Variants in ULK4 observed in about 807,000 individuals in gnomAD.
The protein encoded by ULK4 is unc-51 like kinase 4.
ULK4 carries 133 observed loss-of-function variants against 160.6 expected under a neutral mutation model. The ratio of observed to expected loss-of-function variants is 0.83; its 90% confidence interval spans 0.72 to 0.96. The LOEUF (loss-of-function observed/expected upper bound fraction) is 0.96, where lower values mean the gene tolerates loss of function less well. ULK4 is among the 40% of genes least tolerant of loss of function. The pLI is 0.00. For missense variants in ULK4, 1,580 were observed against 1,499.5 expected, an observed-to-expected ratio of 1.05 and a Z score of -0.89; for synonymous variants, 534 against 539.8, an observed-to-expected ratio of 0.99 and a Z score of 0.15.
chr3:41,523,411 T>A (rs2086002756), intron 32 of ULK4, among the ~76,000 whole-genome samples: 1 of 152,200 alleles, frequency 6.6e-6, no homozygotes, highest in Non-Finnish European at 1.5e-5. Flanking sequence ...TCTTCTAGAA[T>A]CTAGAGATGA....
chr3:41,653,702 C>A (rs1035016136), intron 30 of ULK4, among the ~76,000 whole-genome samples: 1 of 152,222 alleles, frequency 6.6e-6, no homozygotes, highest in Non-Finnish European at 1.5e-5. Context: ...CTCTGTCTCA[C>A]ATTCATCTCT....
At chr3:41,623,037 C>T (rs893007828) in intron 30 of ULK4, among the ~76,000 whole-genome samples, 2 of 152,200 alleles carry the variant, frequency 1.3e-5, no homozygotes, top group Non-Finnish European at 2.9e-5. Flanking sequence ...TTGCAGGTTA[C>T]CGCTTCAGTC....
chr3:41,870,901 G>C (rs574843429), intron 17 of ULK4, among the ~76,000 whole-genome samples: 4 of 152,106 alleles, frequency 2.6e-5, no homozygotes, highest in Non-Finnish European at 5.9e-5. Context: ...GTCAAGGGTG[G>C]GACCAGGTGG....
intron 30 of ULK4, among the ~76,000 whole-genome samples, chr3:41,651,927 G>A (rs1351941679): frequency 6.6e-6 from 1 of 152,168 alleles, no homozygotes; most frequent in Non-Finnish European, 1.5e-5. Context: ...ACATCACCAT[G>A]GAGAGCTCTC....
chr3:41,418,919 G>A (rs1391387260), intron 34 of ULK4, among the ~76,000 whole-genome samples: 1 of 152,202 alleles, frequency 6.6e-6, no homozygotes, highest in Non-Finnish European at 1.5e-5. Flanking sequence ...ACACAGAGTT[G>A]TTAGAAAAGG....
intron 19 of ULK4, among the ~76,000 whole-genome samples, chr3:41,810,015 A>G (rs1201308888): frequency 6.6e-6 from 1 of 152,258 alleles, no homozygotes; most frequent in African/African-American, 2.4e-5. Context: ...TGAATTCTTG[A>G]TCACATTCAG....
intron 32 of ULK4, among the ~76,000 whole-genome samples, chr3:41,501,344 A>G (rs2077048999): frequency 1.3e-5 from 2 of 152,136 alleles, no homozygotes; most frequent in Admixed American, 1.3e-4. Flanking sequence ...AAAAATACAA[A>G]CAAATTAGCC....
chr3:41,590,655 A>C (rs899781692), intron 31 of ULK4, among the ~76,000 whole-genome samples: 5 of 151,698 alleles, frequency 3.3e-5, no homozygotes, highest in African/African-American at 7.3e-5. Context: ...AACAAACAAA[A>C]AAACAAATAC....
intron 16 of ULK4, among the ~76,000 whole-genome samples, chr3:41,891,852 C>T (rs2148781525): frequency 6.6e-6 from 1 of 152,258 alleles, no homozygotes; most frequent in East Asian, 1.9e-4. Flanking sequence ...TTGCAGTGAG[C>T]TGAGATTGTG....
chr3:41,297,242 C>G (rs2125707933), intron 35 of ULK4, among the ~76,000 whole-genome samples: 1 of 152,300 alleles, frequency 6.6e-6, no homozygotes, highest in Non-Finnish European at 1.5e-5. Context: ...GCTTTGTGAT[C>G]CTGGACTCCT....
intron 35 of ULK4, among the ~76,000 whole-genome samples, chr3:41,307,930 T>C (rs1261276180): frequency 6.6e-6 from 1 of 152,140 alleles, no homozygotes; most frequent in African/African-American, 2.4e-5. Context: ...CCTGGAGCTG[T>C]TGTGGCTGCC....
intron 29 of ULK4, among the ~76,000 whole-genome samples, chr3:41,670,678 G>A (rs2035508994): frequency 6.6e-6 from 1 of 151,824 alleles, no homozygotes; most frequent in South Asian, 2.1e-4. Context: ...TTCAAAATAA[G>A]TGTTAAATAT....
At chr3:41,808,118 C>A (rs1290242662) in intron 19 of ULK4, among the ~76,000 whole-genome samples, 1 of 152,048 alleles carries the variant, frequency 6.6e-6, no homozygotes, top group Non-Finnish European at 1.5e-5. Flanking sequence ...TATGACGAAA[C>A]CTATTTGCCC....
At chr3:41,414,133 G>A (rs191272660) in intron 34 of ULK4, among the ~76,000 whole-genome samples, 40 of 152,332 alleles carry the variant, frequency 2.6e-4, no homozygotes, top group Admixed American at 1.4e-3. Flanking sequence ...CCTGGGAGGC[G>A]GAAGTTGCGG....
chr3:41,630,083 A>G (rs1048050940), intron 30 of ULK4, among the ~76,000 whole-genome samples: 7 of 152,322 alleles, frequency 4.6e-5, no homozygotes, highest in South Asian at 2.1e-4. Context: ...GGGGACACCA[A>G]TGGGGCCTTG....
chr3:41,287,451 G>C (rs1428817391), intron 35 of ULK4, among the ~76,000 whole-genome samples: 1 of 152,178 alleles, frequency 6.6e-6, no homozygotes, highest in Non-Finnish European at 1.5e-5. Flanking sequence ...TCTGTGAATG[G>C]AATATGATGC....
At chr3:41,387,304 C>T (rs2081839228) in intron 35 of ULK4, among the ~76,000 whole-genome samples, 1 of 152,088 alleles carries the variant, frequency 6.6e-6, no homozygotes, top group Non-Finnish European at 1.5e-5. Context: ...TAACTATAGT[C>T]ATCCTACAAC....
intron 33 of ULK4, among the ~76,000 whole-genome samples, chr3:41,456,346 C>A (rs1027259614): frequency 2.6e-5 from 4 of 152,330 alleles, no homozygotes; most frequent in Non-Finnish European, 5.9e-5. Flanking sequence ...GACTCCAAGT[C>A]ACAAATGCTA....
At chr3:41,423,914 T>C (rs368010872) in intron 34 of ULK4, among the ~76,000 whole-genome samples, 2 of 152,240 alleles carry the variant, frequency 1.3e-5, no homozygotes, top group African/African-American at 4.8e-5. Flanking sequence ...ACCAGGGCCT[T>C]GGGCCCCAAG....
Sources: allele counts gnomAD v4.1 joint callset (sites outside exome capture counted in the v4.1 genomes callset), GRCh38; gene constraint gnomAD v4.1.1; transcripts MANE v1.5; gene names NCBI Gene and HGNC (gene_info 2026-07-23, HGNC 2026-07-21).